The following N4BP2 variants were observed in gnomAD, a reference collection of about 807,000 sequenced individuals.
N4BP2 encodes the protein NEDD4 binding protein 2, also known as NEDD4-binding protein 2.
A neutral mutation model predicts 152.8 loss-of-function variants in N4BP2; 91 were observed. That is an observed-to-expected ratio of 0.60 (90% CI 0.50 to 0.71). N4BP2 has a LOEUF of 0.71. N4BP2 is among the 30% of genes least tolerant of loss of function. The pLI is 0.00. For missense variants in N4BP2, 1,923 were observed against 2,059.1 expected, an observed-to-expected ratio of 0.93 and a Z score of 1.28; for synonymous variants, 646 against 705.3, an observed-to-expected ratio of 0.92 and a Z score of 1.33.
At chr4:40,096,739 C>T (rs1209522809) in intron 2 of N4BP2, among the ~76,000 whole-genome samples, 1 of 152,096 alleles carries the variant, frequency 6.6e-6, no homozygotes, top group Non-Finnish European at 1.5e-5. Context: ...TTGAGAGTCG[C>T]ACTGACAAAA....
intron 7 of N4BP2, among the ~76,000 whole-genome samples, chr4:40,114,234 AT>A (rs961600423): frequency 5.4e-5 from 8 of 149,182 alleles, no homozygotes; most frequent in East Asian, 1.9e-4. Flanking sequence ...TGGTTAGGCT[AT>A]TTTTTTTTTC....
At chr4:40,133,766 T>A (rs1051445149) in intron 13 of N4BP2, among the ~76,000 whole-genome samples, 1 of 152,198 alleles carries the variant, frequency 6.6e-6, no homozygotes, top group Non-Finnish European at 1.5e-5. Context: ...CACTTCTGAT[T>A]CCAAGTGTTT....
Position 40,138,705 on chromosome 4 carries a change from T to G in N4BP2, c.4785+1623T>G, listed in dbSNP as rs1422549706. Among the ~76,000 whole-genome samples the G allele has an allele frequency of 2.0e-5, 3 of 152,360 alleles. No homozygotes were observed. In the East Asian group the frequency reaches 5.8e-4, roughly 29 times the overall value. The stretch of plus-strand genomic sequence containing the variant: ...TCTTGGCACTCTTGTTGAAAATGAA[T>G]TGACCATAGTTACAAGGATTTATTG... On this transcript the variant is annotated intron_variant, in intron 14 of 17. Coordinates refer to ENST00000261435, the MANE Select transcript of N4BP2 (RefSeq NM_018177.6).
chr4:40,120,600 G>A lies in N4BP2; in HGVS notation c.2489G>A (p.Ser830Asn). 2.5e-6 allele frequency: 4 copies of A among 1,614,152 alleles called. No individual in the cohort carries two copies. Among genetic ancestry groups the A allele is most frequent in the Non-Finnish European group, 2.5e-6 (3 of 1,180,026 alleles). Residue 830 changes from serine to asparagine, a missense_variant, in exon 9 of 18, where the codon AGT becomes AAT. Physicochemically the swap from Ser to Asn is conservative, Grantham distance 46. Coordinates refer to ENST00000261435, the MANE Select transcript of N4BP2 (RefSeq NM_018177.6). ...NYPQSHKLVN[S>N]VSVNTDCVQQ... is the part of the protein sequence containing the mutation. ...CCTCAGTCACACAAATTAGTTAACAGTGTATCTGTGAATACAGATTGTGTC... is the reference window on the plus strand; with the variant it reads ...CCTCAGTCACACAAATTAGTTAACAATGTATCTGTGAATACAGATTGTGTC...
Position 40,119,915 on chromosome 4 carries a change from TTAAAA to T in N4BP2, c.1821-13_1821-9del. On this transcript the variant is annotated splice_polypyrimidine_tract_variant and intron_variant, in intron 8 of 17. Transcript: ENST00000261435. ...TTAAGAGACTTTCTCATGATACTCTTTAAAATAATCTTACAGCCCAAGAGACGATG... is the reference window on the plus strand; with the variant it reads ...TTAAGAGACTTTCTCATGATACTCTTTAATCTTACAGCCCAAGAGACGATG... 8.1e-7 allele frequency: 1 copy of T among 1,235,444 alleles called. No individual in the cohort carries two copies. The highest frequency in any genetic ancestry group is 1.1e-6 in the Non-Finnish European group (1 of 886,116). 76.5% of individuals were successfully genotyped at this position (1,235,444 alleles called of 1,614,324 possible). A position where few individuals can be genotyped will look rare whatever the true frequency, so the allele number is the denominator to read the frequency against.
At chr4:40,140,743 G>C (rs28447121) in intron 14 of N4BP2, among the ~76,000 whole-genome samples, 2,402 of 151,742 alleles carry the variant, frequency 0.016, 47 homozygotes, top group African/African-American at 0.056. Context: ...GCGGCCTTCC[G>C]CAGTGTTTGT....
chr4:40,157,802 A>G lies in N4BP2; in HGVS notation c.*3565A>G, dbSNP rs749522234. 1 of 152,198 alleles carries G rather than the reference A, an allele frequency of 6.6e-6. No individual in the cohort carries two copies. Among genetic ancestry groups the G allele is most frequent in the South Asian group, 2.1e-4 (1 of 4,836 alleles). 9.4% of individuals were successfully genotyped at this position (152,198 alleles called of 1,614,324 possible). A position where few individuals can be genotyped will look rare whatever the true frequency, so the allele number is the denominator to read the frequency against. ...ATAAGTTTATGTAGAATGTATGTTC[A>G]TGGTGCTTATTTTTAAAATGTAATT... On this transcript the variant is annotated 3_prime_UTR_variant, in exon 18 of 18. Coordinates refer to ENST00000261435, the MANE Select transcript of N4BP2 (RefSeq NM_018177.6).
intron 7 of N4BP2, among the ~76,000 whole-genome samples, 187 bp downstream of exon 7, chr4:40,113,695 T>C (rs1319784687): frequency 6.6e-6 from 1 of 152,230 alleles, no homozygotes; most frequent in Non-Finnish European, 1.5e-5. Flanking sequence ...TAATTTACGG[T>C]AAAAATTCCC....
rs763929397 is a variant in N4BP2 at position 40,142,828 on chromosome 4, GAA to G, written c.4948_4949del (p.Asn1650CysfsTer13). 1 of 1,612,288 alleles carries G rather than the reference GAA, an allele frequency of 6.2e-7. No individual in the cohort carries two copies. The highest frequency in any genetic ancestry group is 1.1e-5 in the South Asian group (1 of 90,880). Reference sequence around the variant, plus strand: ...AGGCCAAAGAAGCTTATCGGATAGGGAAAAAAAATGTCGCCACCTTTTATGCC... The same window carrying G: ...AGGCCAAAGAAGCTTATCGGATAGGGAAAAAATGTCGCCACCTTTTATGCC... ...SKAKEAYRIG[K>X]KNVATFYAQQ... On this transcript the variant is annotated frameshift_variant, in exon 15 of 18. Transcript: ENST00000261435. LOFTEE classifies it high-confidence loss of function.
intron 16 of N4BP2, among the ~76,000 whole-genome samples, chr4:40,146,050 C>T (rs938924323): frequency 6.6e-6 from 1 of 151,902 alleles, no homozygotes; most frequent in Non-Finnish European, 1.5e-5. Flanking sequence ...TAATCCCAGC[C>T]ACTTGGGAGG....
At chr4:40,107,072 G>GA in intron 5 of N4BP2, 48 bp downstream of exon 5, 2 of 1,577,804 alleles carry the variant, frequency 1.3e-6, no homozygotes, top group Non-Finnish European at 1.7e-6. Context: ...GTAATACAAA[G>GA]AAAAAATTCA....
chr4:40,172,375 C>T, the N4BP2 span, among the ~76,000 whole-genome samples: 1 of 152,142 alleles, frequency 6.6e-6, no homozygotes, highest in African/African-American at 2.4e-5. Context: ...CTCACAGACA[C>T]CCCCAGGAAC....
At chr4:40,057,495 C>A (rs1162006324) in intron 1 of N4BP2, among the ~76,000 whole-genome samples, 1 of 152,176 alleles carries the variant, frequency 6.6e-6, no homozygotes, top group East Asian at 1.9e-4. Flanking sequence ...CTAGCAGAGC[C>A]GTTTATTTAC....
At chr4:40,101,589 C>A (rs780929416) in intron 3 of N4BP2, among the ~76,000 whole-genome samples, 1 of 152,026 alleles carries the variant, frequency 6.6e-6, no homozygotes, top group Non-Finnish European at 1.5e-5. Context: ...TTCTGATATG[C>A]AGTACATGCT....
intron 2 of N4BP2, among the ~76,000 whole-genome samples, chr4:40,093,025 C>T (rs1399027296): frequency 6.6e-6 from 1 of 151,660 alleles, no homozygotes; most frequent in Non-Finnish European, 1.5e-5. Context: ...TTCACTGCAA[C>T]CTCTGCCTCC....
chr4:40,097,675 A>G, intron 3 of N4BP2, 106 bp downstream of exon 3: 1 of 713,298 alleles, frequency 1.4e-6, no homozygotes. Context: ...TATTTTATTC[A>G]TAATTTATTA....
At chr4:40,099,868 A>G (rs185141271) in intron 3 of N4BP2, among the ~76,000 whole-genome samples, 1 of 151,830 alleles carries the variant, frequency 6.6e-6, no homozygotes, top group Admixed American at 6.6e-5. Flanking sequence ...TTTCATAGAA[A>G]TACTCCTTAC....
chr4:40,184,955 C>CA, the N4BP2 span, among the ~76,000 whole-genome samples: 2 of 146,748 alleles, frequency 1.4e-5, no homozygotes, highest in Non-Finnish European at 3.0e-5. Flanking sequence ...GACTCTGTCT[C>CA]AAAAAATAAA....
chr4:40,057,733 G>A (rs546300716), intron 1 of N4BP2, among the ~76,000 whole-genome samples: 4 of 152,176 alleles, frequency 2.6e-5, no homozygotes, highest in Non-Finnish European at 4.4e-5. Flanking sequence ...TCATCTTAGC[G>A]GGGGCACAGT....
Sources: allele counts gnomAD v4.1 joint callset (sites outside exome capture counted in the v4.1 genomes callset), GRCh38; gene constraint gnomAD v4.1.1; transcripts MANE v1.5; gene names NCBI Gene and HGNC (gene_info 2026-07-23, HGNC 2026-07-21).